The following ASTN2 variants were observed in gnomAD, a reference collection of about 807,000 sequenced individuals.
The protein encoded by ASTN2 is astrotactin-2.
ASTN2 carries 54 observed loss-of-function variants against 139.8 expected under a neutral mutation model. The ratio of observed to expected loss-of-function variants is 0.39; its 90% CI spans 0.31 to 0.48. The LOEUF (loss-of-function observed/expected upper bound fraction) is 0.48. Among genes scored for constraint, ASTN2 ranks in the 20% least tolerant of loss-of-function variants. ASTN2 has a pLI of 0.95. For synonymous variants in ASTN2, 756 were observed against 719.5 expected (o/e 1.05, Z -0.81); for missense variants, 1,565 against 1,725.1 (o/e 0.91, Z 1.64).
chr9:117,020,036 GTGTGTGTGTA>G (rs759802172), intron 6 of ASTN2, among the ~76,000 whole-genome samples: 2 of 134,654 alleles, frequency 1.5e-5, no homozygotes, highest in Non-Finnish European at 1.7e-5. Flanking sequence ...GTGTGTGTGT[GTGTGTGTGTA>G]TGTGTGTGTG....
chr9:117,364,243 G>A (rs926919494), intron 1 of ASTN2, among the ~76,000 whole-genome samples: 2 of 152,088 alleles, frequency 1.3e-5, no homozygotes, highest in African/African-American at 4.8e-5. Flanking sequence ...GGGAGATAGT[G>A]ACTTGTTCAA....
chr9:116,639,480 G>A (rs562772277), intron 17 of ASTN2, among the ~76,000 whole-genome samples: 2 of 152,276 alleles, frequency 1.3e-5, no homozygotes, highest in African/African-American at 4.8e-5. Flanking sequence ...AATAGAAAGA[G>A]AGTTGGATTG....
intron 10 of ASTN2, among the ~76,000 whole-genome samples, chr9:116,948,713 G>GTA (rs1835467450): frequency 1.3e-5 from 2 of 148,710 alleles, no homozygotes; most frequent in Non-Finnish European, 3.0e-5. Flanking sequence ...GTGTGTGTGT[G>GTA]TGTGTGTGTG....
chr9:116,928,164 A>G (rs1834807560), intron 10 of ASTN2, among the ~76,000 whole-genome samples: 1 of 152,170 alleles, frequency 6.6e-6, no homozygotes, highest in Admixed American at 6.5e-5. Context: ...CAGATGCCGT[A>G]TGTGAAAAAC....
Position 116,652,186 on chromosome 9 carries a change from C to T in ASTN2, c.2807-393G>A, listed in dbSNP as rs562485302. On this transcript the variant is annotated intron_variant, in intron 16 of 22. Coordinates refer to ENST00000313400, the MANE Select transcript of ASTN2 (RefSeq NM_001365068.1). The stretch of plus-strand genomic sequence containing the variant: ...TAAAAATACAAAAAAATTAGCCAAG[C>T]GTGGGGTTATGTACCTATAATCCCA... Among the ~76,000 whole-genome samples, 9 of 151,948 alleles carry T rather than the reference C, an allele frequency of 5.9e-5. No individual in the cohort carries two copies. In the East Asian group the frequency reaches 1.2e-3, roughly 20 times the overall value.
chr9:116,926,447 T>G (rs944631624), intron 10 of ASTN2, among the ~76,000 whole-genome samples: 1 of 152,178 alleles, frequency 6.6e-6, no homozygotes, highest in African/African-American at 2.4e-5. Flanking sequence ...CTTTCCTCCT[T>G]CTTTTTGGTC....
chr9:116,557,083 G>C (rs1852661054), intron 19 of ASTN2, among the ~76,000 whole-genome samples: 1 of 151,656 alleles, frequency 6.6e-6, no homozygotes. Flanking sequence ...TATTAGCCGG[G>C]CGTGGTGGCG....
intron 19 of ASTN2, among the ~76,000 whole-genome samples, chr9:116,523,197 A>C (rs895357123): frequency 5.3e-5 from 8 of 152,034 alleles, no homozygotes; most frequent in African/African-American, 1.7e-4. Flanking sequence ...TATATAATTC[A>C]GAGACCTTTT....
chr9:116,431,480 C>T (rs563030411), intron 22 of ASTN2, among the ~76,000 whole-genome samples: 6 of 152,082 alleles, frequency 3.9e-5, no homozygotes, highest in Admixed American at 2.0e-4. Context: ...GGAGAACCCC[C>T]GACACTTCTG....
At chr9:117,264,011 A>C (rs189765752) in intron 2 of ASTN2, among the ~76,000 whole-genome samples, 289 of 152,322 alleles carry the variant, frequency 1.9e-3, no homozygotes, top group African/African-American at 6.5e-3. Flanking sequence ...TACCAAAGAT[A>C]CAAAAATTAG....
intron 6 of ASTN2, among the ~76,000 whole-genome samples, chr9:117,028,831 A>T (rs1265927927): frequency 6.6e-6 from 1 of 152,156 alleles, no homozygotes; most frequent in African/African-American, 2.4e-5. Context: ...CATGTCCATC[A>T]TGAGATAAGT....
chr9:117,375,886 G>A (rs1317112293), intron 1 of ASTN2, among the ~76,000 whole-genome samples: 4 of 152,046 alleles, frequency 2.6e-5, no homozygotes, highest in Admixed American at 1.3e-4. Context: ...CCAGCTCCTA[G>A]AGTTTCATTC....
At chr9:116,618,616 G>A (rs925870379) in intron 18 of ASTN2, 144 bp from the exon 19 acceptor site, 39 of 945,596 alleles carry the variant, frequency 4.1e-5, no homozygotes, top group African/African-American at 3.0e-4. Flanking sequence ...TTGCATGACC[G>A]TAGGCAAGTT....
At chr9:117,099,938 C>T (rs1587962686) in intron 4 of ASTN2, among the ~76,000 whole-genome samples, 1 of 152,190 alleles carries the variant, frequency 6.6e-6, no homozygotes, top group East Asian at 1.9e-4. Flanking sequence ...GGTCTGTCTA[C>T]CTGCAAAGCT....
chr9:116,715,352 G>T (rs1828283840), intron 16 of ASTN2, among the ~76,000 whole-genome samples: 1 of 152,132 alleles, frequency 6.6e-6, no homozygotes, highest in African/African-American at 2.4e-5. Context: ...GCACTGAGGG[G>T]ATGCAGGTAC....
chr9:117,303,289 G>A (rs1286808598), intron 1 of ASTN2, among the ~76,000 whole-genome samples: 1 of 152,136 alleles, frequency 6.6e-6, no homozygotes, highest in Non-Finnish European at 1.5e-5. Context: ...GATTAAAATA[G>A]AAACCCAAGT....
chr9:117,109,827 C>T (rs535961116), intron 4 of ASTN2, among the ~76,000 whole-genome samples: 7 of 152,198 alleles, frequency 4.6e-5, no homozygotes, highest in East Asian at 1.9e-4. Context: ...TCAGCCTTTC[C>T]GGGAGTATTC....
chr9:116,618,105 C>G (rs1300236114), intron 19 of ASTN2, among the ~76,000 whole-genome samples: 1 of 152,170 alleles, frequency 6.6e-6, no homozygotes, highest in African/African-American at 2.4e-5. Context: ...AGGTCCAACT[C>G]AGAGAATCAG....
In ASTN2 at chr9:116,565,351, T is replaced by TTCTC. The variant is rs772428232; in HGVS notation, c.3355+52969_3355+52972dup. On this transcript the variant is annotated intron_variant, in intron 19 of 22. Coordinates refer to ENST00000313400, the MANE Select transcript of ASTN2 (RefSeq NM_001365068.1). The stretch of plus-strand genomic sequence containing the variant: ...CAGGATAATGTTTTTAAGACACTGT[T>TTCTC]TCTCTCTCTCTCTCTCTCTCTCTCT... Among the ~76,000 whole-genome samples, 51 of 35,986 alleles carry TTCTC rather than the reference T, an allele frequency of 1.4e-3. 1 individual carries two copies. The highest frequency in any genetic ancestry group is 4.6e-3 in the East Asian group (5 of 1,092). 23.6% of individuals were successfully genotyped at this position (35,986 alleles called of 152,430 possible).
Sources: allele counts gnomAD v4.1 joint callset (sites outside exome capture counted in the v4.1 genomes callset), GRCh38; gene constraint gnomAD v4.1.1; transcripts MANE v1.5; gene names NCBI Gene and HGNC (gene_info 2026-07-23, HGNC 2026-07-21).